TRHDE: variants seen among roughly 807,000 people sequenced by gnomAD.
TRHDE encodes thyrotropin-releasing hormone-degrading ectoenzyme.
TRHDE carries 72 observed loss-of-function variants against 125.7 expected under a neutral mutation model. The ratio of observed to expected loss-of-function variants is 0.57; its 90% CI spans 0.47 to 0.70. The LOEUF (loss-of-function observed/expected upper bound fraction) is 0.70. Ranked by LOEUF, TRHDE falls within the 30% of genes least tolerant of loss-of-function variation. The probability of loss-of-function intolerance (pLI) is 0.00; values close to 1 mark genes in which losing one functional copy is unlikely to be tolerated. For missense variants in TRHDE, 1,110 were observed against 1,327.1 expected, an observed-to-expected ratio of 0.84 and a Z score of 2.54; for synonymous variants, 509 against 509.1, an observed-to-expected ratio of 1.00 and a Z score of 0.00.
chr12:72,407,033 G>A (rs550218723), intron 3 of TRHDE, among the ~76,000 whole-genome samples: 56 of 152,280 alleles, frequency 3.7e-4, no homozygotes, highest in African/African-American at 1.3e-3. Context: ...ACTCTTCAGC[G>A]TGATCAAGGC....
chr12:72,152,010 G>A (rs1299169532), intron 2 of TRHDE, among the ~76,000 whole-genome samples: 4 of 151,612 alleles, frequency 2.6e-5, no homozygotes, highest in Non-Finnish European at 5.9e-5. Context: ...TCACAATATT[G>A]ATTCTTCCTA....
chr12:72,343,141 A>G (rs1324030794), intron 2 of TRHDE, among the ~76,000 whole-genome samples: 1 of 152,074 alleles, frequency 6.6e-6, no homozygotes, highest in Non-Finnish European at 1.5e-5. Context: ...GCATATATTG[A>G]TGATGTCGAC....
intron 3 of TRHDE, among the ~76,000 whole-genome samples, chr12:72,379,004 C>G (rs745444451): frequency 2.6e-5 from 4 of 152,208 alleles, no homozygotes; most frequent in Non-Finnish European, 5.9e-5. Context: ...GCTCCCCTCT[C>G]TTCCCTCCTC....
intron 10 of TRHDE, among the ~76,000 whole-genome samples, chr12:72,569,678 A>G (rs1870627463): frequency 6.6e-6 from 1 of 152,224 alleles, no homozygotes; most frequent in South Asian, 2.1e-4. Context: ...ATACATTTTC[A>G]GGTTATTGTA....
intron 3 of TRHDE, among the ~76,000 whole-genome samples, chr12:72,421,966 A>G (rs555073708): frequency 6.6e-6 from 1 of 152,318 alleles, no homozygotes; most frequent in South Asian, 2.1e-4. Flanking sequence ...GTCCAGAGAC[A>G]ATGGATATAT....
intron 7 of TRHDE, among the ~76,000 whole-genome samples, chr12:72,559,116 G>A (rs1298063666): frequency 2.0e-5 from 3 of 152,258 alleles, no homozygotes; most frequent in Non-Finnish European, 2.9e-5. Context: ...TTCATGTGCT[G>A]TGCTCTTTCA....
At chr12:72,226,696 A>G (rs988529750) in intron 2 of TRHDE, among the ~76,000 whole-genome samples, 2 of 152,188 alleles carry the variant, frequency 1.3e-5, no homozygotes, top group African/African-American at 4.8e-5. Flanking sequence ...ATCATCATTT[A>G]AATGTGCTGA....
At chr12:72,388,807 T>C (rs1286933268) in intron 3 of TRHDE, among the ~76,000 whole-genome samples, 1 of 151,784 alleles carries the variant, frequency 6.6e-6, no homozygotes, top group African/African-American at 2.4e-5. Flanking sequence ...ATCATAGCTA[T>C]CCTATGGTGA....
chr12:72,471,434 G>A (rs372074629), intron 4 of TRHDE, among the ~76,000 whole-genome samples: 100 of 152,238 alleles, frequency 6.6e-4, no homozygotes, highest in African/African-American at 2.2e-3. Flanking sequence ...AAGTGAAAGC[G>A]CACCGATAAT....
At chr12:72,583,323 G>A (rs1469573868) in intron 12 of TRHDE, among the ~76,000 whole-genome samples, 2 of 152,174 alleles carry the variant, frequency 1.3e-5, no homozygotes, top group Non-Finnish European at 2.9e-5. Flanking sequence ...ACCGGTATAA[G>A]TTGTTCCATG....
chr12:72,329,024 A>G (rs1249290541), intron 2 of TRHDE, among the ~76,000 whole-genome samples: 5 of 152,156 alleles, frequency 3.3e-5, no homozygotes, highest in African/African-American at 9.7e-5. Context: ...AGAGTCTCAA[A>G]GTTTTGTAAA....
chr12:72,548,663 T>A (rs1216046620), intron 7 of TRHDE, among the ~76,000 whole-genome samples: 1 of 151,690 alleles, frequency 6.6e-6, no homozygotes, highest in Non-Finnish European at 1.5e-5. Flanking sequence ...CTAATTACAT[T>A]TTTTTCAGAT....
At chr12:72,163,108 G>A (rs972463486) in intron 2 of TRHDE, 3 of 152,076 alleles carry the variant, frequency 2.0e-5, no homozygotes, top group Admixed American at 2.0e-4. Flanking sequence ...TGAATTATAA[G>A]GTAGGTTGAA....
intron 2 of TRHDE, among the ~76,000 whole-genome samples, chr12:72,350,124 C>T (rs1388057232): frequency 6.6e-6 from 1 of 151,984 alleles, no homozygotes; most frequent in Non-Finnish European, 1.5e-5. Flanking sequence ...ATGCTAGCAT[C>T]ACTTTTTCCC....
intron 2 of TRHDE, among the ~76,000 whole-genome samples, chr12:72,322,193 T>G: frequency 6.6e-6 from 1 of 152,148 alleles, no homozygotes; most frequent in Non-Finnish European, 1.5e-5. Context: ...TATTCTCAGC[T>G]GAGGTCGAAC....
rs114474066 is a variant in TRHDE at position 72,338,522 on chromosome 12, T to C, written c.1189-39473T>C. On this transcript the variant is annotated intron_variant, in intron 2 of 18. Coordinates refer to ENST00000261180, the MANE Select transcript of TRHDE (RefSeq NM_013381.3). Reference sequence around the variant, plus strand: ...AGTACTTTGCCAAAAGGAGTTAGAGTGTAGGTTCTAGCTTTTTATCTGACA... The same window carrying C: ...AGTACTTTGCCAAAAGGAGTTAGAGCGTAGGTTCTAGCTTTTTATCTGACA... Among the ~76,000 whole-genome samples the C allele has an allele frequency of 4.1e-3, 629 of 152,110 alleles. 4 individuals carry two copies. The highest frequency in any genetic ancestry group is 0.015 in the African/African-American group (602 of 41,514).
chr12:72,178,648 T>C (rs1877037343), intron 2 of TRHDE, among the ~76,000 whole-genome samples: 1 of 152,104 alleles, frequency 6.6e-6, no homozygotes, highest in African/African-American at 2.4e-5. Flanking sequence ...AGTTCCAGAA[T>C]GGCTAATGAG....
intron 12 of TRHDE, among the ~76,000 whole-genome samples, chr12:72,611,669 A>G (rs1355893379): frequency 6.6e-6 from 1 of 152,196 alleles, no homozygotes; most frequent in African/African-American, 2.4e-5. Flanking sequence ...AAAAATCTAG[A>G]TCTTGGGAAA....
At chr12:72,572,524 T>G (rs1288450941) in intron 10 of TRHDE, among the ~76,000 whole-genome samples, 1 of 152,040 alleles carries the variant, frequency 6.6e-6, no homozygotes, top group African/African-American at 2.4e-5. Flanking sequence ...TGAAGAACAT[T>G]TTAGGGATAT....
Sources: gnomAD v4.1 joint callset for allele counts (sites outside exome capture counted in the v4.1 genomes callset) on GRCh38, gnomAD v4.1.1 for gene constraint, MANE v1.5 for transcripts, NCBI Gene and HGNC (gene_info 2026-07-23, HGNC 2026-07-21) for gene names.